The following IMMP2L variants were observed in gnomAD, a reference collection of about 807,000 sequenced individuals.
IMMP2L encodes mitochondrial inner membrane protease subunit 2.
In IMMP2L, 18 loss-of-function variants were observed where a neutral mutation model predicts 19.3. The ratio of observed to expected loss-of-function variants is 0.93; its 90% CI spans 0.64 to 1.38. The LOEUF is 1.38. Ranked by LOEUF, IMMP2L falls within the 40% of genes most tolerant of loss-of-function variation. IMMP2L has a pLI of 0.00. For missense variants in IMMP2L, 233 were observed against 218.2 expected, an observed-to-expected ratio of 1.07 and a Z score of -0.43; for synonymous variants, 76 against 73.0, an observed-to-expected ratio of 1.04 and a Z score of -0.21.
At chr7:111,025,067 C>T (rs1039712602) in intron 3 of IMMP2L, among the ~76,000 whole-genome samples, 11 of 152,156 alleles carry the variant, frequency 7.2e-5, no homozygotes, top group Admixed American at 2.0e-4. Flanking sequence ...TTCATTCCTT[C>T]CTTCACCTAC....
intron 3 of IMMP2L, among the ~76,000 whole-genome samples, chr7:111,060,849 G>A (rs2129574423): frequency 6.6e-6 from 1 of 152,254 alleles, no homozygotes; most frequent in Admixed American, 6.5e-5. Flanking sequence ...TTTTGATTCA[G>A]ATACTGTCCT....
intron 3 of IMMP2L, among the ~76,000 whole-genome samples, chr7:111,360,341 G>T (rs1383604013): frequency 6.6e-6 from 1 of 152,078 alleles, no homozygotes; most frequent in African/African-American, 2.4e-5. Flanking sequence ...CCACTCTGAT[G>T]GTCCCCATGA....
At chr7:111,101,812 A>G (rs1798012244) in intron 3 of IMMP2L, among the ~76,000 whole-genome samples, 1 of 151,358 alleles carries the variant, frequency 6.6e-6, no homozygotes, top group African/African-American at 2.4e-5. Context: ...GGCTGTGGTA[A>G]ACATAGTTCC....
At chr7:110,974,093 C>T (rs1820443605) in intron 3 of IMMP2L, among the ~76,000 whole-genome samples, 1 of 151,950 alleles carries the variant, frequency 6.6e-6, no homozygotes, top group African/African-American at 2.4e-5. Flanking sequence ...AAAATAAGGC[C>T]AAAAAGAATT....
In IMMP2L at chr7:111,215,028, A is replaced by C. The variant is rs56150017; in HGVS notation, c.240-251463T>G. 8.2e-3 allele frequency among the ~76,000 whole-genome samples: 1,242 copies of C among 152,296 alleles called. 13 individuals carry two copies. The highest frequency in any genetic ancestry group is 0.024 in the Middle Eastern group (7 of 292). ...CTTGCAAAACTATGCCCTCATTCCC[A>C]CATATCACCGCAATCTACATACTTT... On this transcript the variant is annotated intron_variant, in intron 3 of 5. Coordinates refer to ENST00000405709, the MANE Select transcript of IMMP2L (RefSeq NM_032549.4).
Position 110,663,628 on chromosome 7 carries a change from A to T in IMMP2L, c.502T>A (p.Leu168Ile). Reference protein sequence around the residue: ...KLESVLPPERLPVQREEE With the variant: ...KLESVLPPERIPVQREEE ...CATTCCTCTTCTCTCTGTACTGGTA[A>T]GCGCTCTGGAGGAAGAACAGATTCC... The change falls in exon 6 of 6, where the codon TTA (leucine) becomes ATA (isoleucine). Residue 168 changes from leucine (L) to isoleucine (I), a missense_variant. Coordinates refer to ENST00000405709, the MANE Select transcript of IMMP2L (RefSeq NM_032549.4). 3 of 1,613,104 alleles carry T rather than the reference A, an allele frequency of 1.9e-6. No homozygotes were observed. Among genetic ancestry groups the T allele is most frequent in the Non-Finnish European group, 2.5e-6 (3 of 1,179,378 alleles).
chr7:111,140,478 A>G (rs1007825893), intron 3 of IMMP2L, among the ~76,000 whole-genome samples: 8 of 152,186 alleles, frequency 5.3e-5, no homozygotes, highest in South Asian at 2.1e-4. Context: ...ATAAAATTCA[A>G]TGTAATAGCT....
chr7:110,857,638 G>C (rs1348087736), intron 5 of IMMP2L, among the ~76,000 whole-genome samples: 2 of 152,010 alleles, frequency 1.3e-5, no homozygotes, highest in African/African-American at 4.8e-5. Context: ...TTTTTAACAA[G>C]AACTTTATTA....
At chr7:110,936,704 A>G (rs532072059) in intron 4 of IMMP2L, among the ~76,000 whole-genome samples, 1 of 152,332 alleles carries the variant, frequency 6.6e-6, no homozygotes, top group Non-Finnish European at 1.5e-5. Context: ...TACTGGGTAT[A>G]TACCCAAAGG....
chr7:111,073,499 G>C (rs1383260644), intron 3 of IMMP2L, among the ~76,000 whole-genome samples: 2 of 152,054 alleles, frequency 1.3e-5, no homozygotes, highest in African/African-American at 4.8e-5. Flanking sequence ...TGCTTGTACA[G>C]ATCTGAGACT....
At chr7:111,041,027 T>A (rs1791844128) in intron 3 of IMMP2L, among the ~76,000 whole-genome samples, 1 of 152,110 alleles carries the variant, frequency 6.6e-6, no homozygotes, top group South Asian at 2.1e-4. Flanking sequence ...AATATCAACA[T>A]ACAATTCTAG....
chr7:111,078,919 G>A (rs777153864), intron 3 of IMMP2L, among the ~76,000 whole-genome samples: 30 of 151,934 alleles, frequency 2.0e-4, no homozygotes, highest in African/African-American at 7.2e-4. Flanking sequence ...TAGTAGAGAC[G>A]GGGTTTCACC....
At chr7:111,158,208 G>A (rs1366298951) in intron 3 of IMMP2L, among the ~76,000 whole-genome samples, 2 of 151,814 alleles carry the variant, frequency 1.3e-5, no homozygotes, top group Non-Finnish European at 2.9e-5. Flanking sequence ...TTACAGTATT[G>A]TTTACATGTC....
chr7:110,730,691 AT>A (rs1003640766), intron 5 of IMMP2L, among the ~76,000 whole-genome samples: 2 of 151,936 alleles, frequency 1.3e-5, no homozygotes, highest in Non-Finnish European at 1.5e-5. Context: ...CGCCCAGCTA[AT>A]TTTTTTGTAT....
At chr7:111,391,775 A>G (rs1832374311) in intron 3 of IMMP2L, 2 of 625,630 alleles carry the variant, frequency 3.2e-6, no homozygotes, top group South Asian at 1.8e-5. Context: ...AACAACTACG[A>G]TAAGAGTATG....
chr7:111,336,992 G>T (rs1432473977), intron 3 of IMMP2L, among the ~76,000 whole-genome samples: 1 of 151,968 alleles, frequency 6.6e-6, no homozygotes, highest in Admixed American at 6.6e-5. Flanking sequence ...AATGTCAATT[G>T]TTCCAATCTT....
At chr7:111,460,007 C>T (rs1371185874) in intron 3 of IMMP2L, among the ~76,000 whole-genome samples, 3 of 152,064 alleles carry the variant, frequency 2.0e-5, no homozygotes, top group Non-Finnish European at 4.4e-5. Flanking sequence ...CATGGAGTAG[C>T]TCTTTGTATT....
At chr7:111,256,266 G>A (rs1436940977) in intron 3 of IMMP2L, among the ~76,000 whole-genome samples, 3 of 151,920 alleles carry the variant, frequency 2.0e-5, no homozygotes, top group Non-Finnish European at 1.5e-5. Context: ...CATACATAAA[G>A]GTTAAACTTT....
At chr7:110,756,291 A>G (rs1284574466) in intron 5 of IMMP2L, among the ~76,000 whole-genome samples, 2 of 152,042 alleles carry the variant, frequency 1.3e-5, no homozygotes, top group East Asian at 3.9e-4. Flanking sequence ...GCTCATGGAG[A>G]ATAAAGAGGT....
Sources: gnomAD v4.1 joint callset for allele counts (sites outside exome capture counted in the v4.1 genomes callset) on GRCh38, gnomAD v4.1.1 for gene constraint, MANE v1.5 for transcripts, NCBI Gene and HGNC (gene_info 2026-07-23, HGNC 2026-07-21) for gene names.